Variants in LRRK1 observed in about 807,000 individuals in gnomAD.
LRRK1 encodes the protein leucine rich repeat kinase 1.
LRRK1 carries 113 observed loss-of-function variants against 209.1 expected under a neutral mutation model. The observed-to-expected ratio is 0.54, with a 90% CI of 0.46 to 0.63. The LOEUF (loss-of-function observed/expected upper bound fraction) is 0.63, where lower values mean the gene tolerates loss of function less well. Among genes scored for constraint, LRRK1 ranks in the 30% least tolerant of loss-of-function variants. LRRK1 has a pLI of 0.00. For synonymous variants in LRRK1, 1,144 were observed against 1,099.7 expected (o/e 1.04, Z -0.80); for missense variants, 2,284 against 2,632.2 (o/e 0.87, Z 2.89).
chr15:100,939,927 T>C lies in LRRK1; in HGVS notation c.97+15198T>C, dbSNP rs1190129480. On this transcript the variant is annotated intron_variant, in intron 2 of 33. Coordinates refer to ENST00000388948, the MANE Select transcript of LRRK1 (RefSeq NM_024652.6). Reference sequence around the variant, plus strand: ...ATGAACTCATGAATTTTAATTTATTTGATTCTTGATGCTAACGCTGTTCCT... The same window carrying C: ...ATGAACTCATGAATTTTAATTTATTCGATTCTTGATGCTAACGCTGTTCCT... Among the ~76,000 whole-genome samples, 3 of 152,238 alleles carry C rather than the reference T, an allele frequency of 2.0e-5. No individual in the cohort carries two copies. In the East Asian group the frequency reaches 5.8e-4, roughly 29 times the overall value.
chr15:101,031,325 T>C (rs2034271707), intron 20 of LRRK1, among the ~76,000 whole-genome samples: 1 of 152,242 alleles, frequency 6.6e-6, no homozygotes, highest in African/African-American at 2.4e-5. Context: ...AGCCTACTGT[T>C]TCCTGTTCTT....
Position 101,046,164 on chromosome 15 carries a change from G to A in LRRK1, c.3135+12G>A, listed in dbSNP as rs1165985066. 6 of 1,613,442 alleles carry A rather than the reference G, an allele frequency of 3.7e-6. No individual in the cohort carries two copies. Among genetic ancestry groups the A allele is most frequent in the Middle Eastern group, 1.6e-4 (1 of 6,082 alleles). ...AGATGGACCTGCAGGTATTATGGCT[G>A]CGGTTTCTGCATAGACAGATGCCCG... On this transcript the variant is annotated intron_variant, in intron 21 of 33. Transcript: ENST00000388948.
At position 101,057,124 on chromosome 15, in the gene LRRK1, G is replaced by A; in HGVS notation, c.4527+74G>A. 3.0e-6 allele frequency: 4 copies of A among 1,348,650 alleles called. No homozygotes were observed. In the South Asian group the frequency reaches 5.9e-5, roughly 20 times the overall value. The allele number at this position is 1,348,650 out of a possible 1,614,324, so 83.5% of individuals were successfully genotyped here. A position where few individuals can be genotyped will look rare whatever the true frequency, so the allele number is the denominator to read the frequency against. On this transcript the variant is annotated intron_variant, in intron 28 of 33. Transcript: ENST00000388948. ...GAAGCTGTGGGTCCCCAGGGGGTGT[G>A]TGCCTGGCTGCCCAACCATCACCAT...
intron 2 of LRRK1, among the ~76,000 whole-genome samples, chr15:100,970,975 A>C (rs1351743387): frequency 6.6e-6 from 1 of 152,172 alleles, no homozygotes; most frequent in Non-Finnish European, 1.5e-5. Context: ...GTTAACTGCT[A>C]TTATGTGATT....
At chr15:101,046,258 C>G in intron 21 of LRRK1, 106 bp downstream of exon 21, 1 of 1,245,038 alleles carries the variant, frequency 8.0e-7, no homozygotes, top group South Asian at 1.4e-5. Flanking sequence ...CCTGGAGACC[C>G]TTCTCCTAGA....
Position 101,027,109 on chromosome 15 carries a change from C to A in LRRK1, c.2406-152C>A. 1 of 914,008 alleles carries A rather than the reference C, an allele frequency of 1.1e-6. No homozygotes were observed. The highest frequency in any genetic ancestry group is 1.6e-6 in the Non-Finnish European group (1 of 614,028). 56.6% of individuals were successfully genotyped at this position (914,008 alleles called of 1,614,324 possible). ...GGGGCACCCAGCACAGTGATTTGCA[C>A]AAAGCAAGGCCTCAATAAACTTCTT... On this transcript the variant is annotated intron_variant, in intron 17 of 33. Transcript: ENST00000388948. The surrounding 1 kb of genome is among the most constrained non-coding windows in gnomAD (Gnocchi z 5.1).
intron 3 of LRRK1, among the ~76,000 whole-genome samples, chr15:100,980,638 G>A (rs2031547387): frequency 1.3e-5 from 2 of 152,158 alleles, no homozygotes. Flanking sequence ...AAGGATACTA[G>A]GGTTTTCTCA....
At chr15:101,066,872 T>A in intron 33 of LRRK1, 131 bp downstream of exon 33, 1 of 833,382 alleles carries the variant, frequency 1.2e-6, no homozygotes, top group Non-Finnish European at 1.9e-6. Context: ...AACGTGGCTG[T>A]AAGGCAAAGT....
chr15:101,045,325 G>T (rs1308356724), intron 20 of LRRK1, among the ~76,000 whole-genome samples: 1 of 152,230 alleles, frequency 6.6e-6, no homozygotes, highest in Non-Finnish European at 1.5e-5. Context: ...AGCCCCACAG[G>T]ATGCAGCCGT....
At chr15:101,007,086 C>A (rs1448413124) in intron 6 of LRRK1, among the ~76,000 whole-genome samples, 1 of 152,224 alleles carries the variant, frequency 6.6e-6, no homozygotes, top group Non-Finnish European at 1.5e-5. Context: ...GGCGTAGGCC[C>A]AGTCTTTCCA....
At position 101,066,004 on chromosome 15, in the gene LRRK1, C is replaced by G. The variant is rs1393040389; in HGVS notation, c.5567C>G (p.Pro1856Arg). The change falls in exon 32 of 34, where the codon CCC (proline) becomes CGC (arginine). Residue 1856 changes from proline to arginine, a missense_variant. This residue lies in a region of LRRK1 where 643 missense variants were observed against 695.9 expected (regional missense o/e 0.92). Transcript: ENST00000388948. ...CCACCCCGCCAGGCTGCCAGGTCCC[C>G]CTCAAGCCTCCCCAGCTCCCCAGCA... The part of the protein sequence containing the change: ...SSPPRQAARS[P>R]SSLPSSPASS... The G allele has an allele frequency of 4.3e-6, 7 of 1,614,144 alleles. No homozygotes were observed. The highest frequency in any genetic ancestry group is 5.9e-6 in the Non-Finnish European group (7 of 1,180,034).
chr15:101,050,413 G>T (rs1481574003), intron 23 of LRRK1, among the ~76,000 whole-genome samples: 2 of 152,218 alleles, frequency 1.3e-5, no homozygotes, highest in Non-Finnish European at 2.9e-5. Flanking sequence ...GCCTGCCAGG[G>T]GGAGGCCATC....
At position 101,051,901 on chromosome 15, in the gene LRRK1, C is replaced by T. The variant is rs536583201; in HGVS notation, c.3630C>T (p.Asp1210=). The T allele has an allele frequency of 6.2e-7, 1 of 1,614,034 alleles. No homozygotes were observed. The highest frequency in any genetic ancestry group is 1.1e-5 in the South Asian group (1 of 91,088). The stretch of plus-strand genomic sequence containing the variant: ...TCATCTCCTGCCCCAGACACCCGGA[C>T]CTCCCCGTGCCGCTGCAGGAGCTGG... ...RDFISCPRHP[D]LPVPLQELVP... The change falls in exon 24 of 34, where the codon GAC becomes GAT. Residue 1210 remains aspartate, a synonymous_variant. Coordinates refer to ENST00000388948, the MANE Select transcript of LRRK1 (RefSeq NM_024652.6).
chr15:100,941,468 G>C (rs868011183), intron 2 of LRRK1, among the ~76,000 whole-genome samples: 3 of 62,668 alleles, frequency 4.8e-5, no homozygotes, highest in East Asian at 5.3e-4. Context: ...ATGTCTCTGT[G>C]TGTGTGTGTG....
At chr15:101,061,493 T>G (rs1421992962) in intron 30 of LRRK1, among the ~76,000 whole-genome samples, 1 of 152,206 alleles carries the variant, frequency 6.6e-6, no homozygotes, top group African/African-American at 2.4e-5. Context: ...CAACCCTGCC[T>G]GCTGCTGGCT....
Position 101,061,295 on chromosome 15 carries a change from A to C in LRRK1, c.4797+7A>C, listed in dbSNP as rs1180814861. On this transcript the variant is annotated splice_region_variant and intron_variant, in intron 30 of 33. Coordinates refer to ENST00000388948, the MANE Select transcript of LRRK1 (RefSeq NM_024652.6). Reference sequence around the variant, plus strand: ...CCTGTGGACAGCCACCGAGGTAAGCACTGCCCGCAGGCCTGCCCACCGAGG... The same window carrying C: ...CCTGTGGACAGCCACCGAGGTAAGCCCTGCCCGCAGGCCTGCCCACCGAGG... The C allele has an allele frequency of 1.2e-6, 2 of 1,600,332 alleles. No homozygotes were observed. Among genetic ancestry groups the C allele is most frequent in the Admixed American group, 1.7e-5 (1 of 59,858 alleles).
Position 101,073,067 on chromosome 15 carries a change from T to G in LRRK1, c.*4219T>G, listed in dbSNP as rs919809252. 5.2e-6 allele frequency: 1 copy of G among 190,824 alleles called. No homozygotes were observed. Among genetic ancestry groups the G allele is most frequent in the African/African-American group, 2.4e-5 (1 of 41,810 alleles). The allele number at this position is 190,824 out of a possible 1,614,324, so 11.8% of individuals were successfully genotyped here. On this transcript the variant is annotated 3_prime_UTR_variant, in exon 34 of 34. Coordinates refer to ENST00000388948, the MANE Select transcript of LRRK1 (RefSeq NM_024652.6). The stretch of plus-strand genomic sequence containing the variant: ...CTCAGACCAACCAGCCCAAGAAACA[T>G]CTCACCAATTTCAAATCCAGTAAGC...
intron 20 of LRRK1, among the ~76,000 whole-genome samples, chr15:101,037,499 T>C (rs897208265): frequency 5.9e-5 from 9 of 152,118 alleles, no homozygotes; most frequent in African/African-American, 2.2e-4. Context: ...TGTGTACAGG[T>C]ACCAGCCATG....
At chr15:100,964,633 G>A (rs1200311575) in intron 2 of LRRK1, among the ~76,000 whole-genome samples, 1 of 152,214 alleles carries the variant, frequency 6.6e-6, no homozygotes, top group Non-Finnish European at 1.5e-5. Context: ...TCTATTGACG[G>A]AGGCAAATGC....
Sources: gnomAD v4.1 joint callset for allele counts (sites outside exome capture counted in the v4.1 genomes callset) on GRCh38, gnomAD v4.1.1 for gene constraint, gnomAD v4.1.1 regional missense constraint, Gnocchi (gnomAD v3.1) non-coding constraint, MANE v1.5 for transcripts, NCBI Gene and HGNC (gene_info 2026-07-23, HGNC 2026-07-21) for gene names.